Variants in PCDHAC1 observed in about 807,000 individuals in gnomAD.
PCDHAC1 encodes the protein protocadherin alpha-C1.
PCDHAC1 carries 42 observed loss-of-function variants against 60.0 expected under a neutral mutation model. That is an observed-to-expected ratio of 0.70 (90% CI 0.55 to 0.90). The LOEUF (loss-of-function observed/expected upper bound fraction) is 0.90. Ranked by LOEUF, PCDHAC1 falls within the 40% of genes least tolerant of loss-of-function variation. The probability of loss-of-function intolerance (pLI) is 0.00; values close to 1 mark genes in which losing one functional copy is unlikely to be tolerated. For synonymous variants in PCDHAC1, 468 were observed against 499.3 expected, an observed-to-expected ratio of 0.94 and a Z score of 0.84; for missense variants, 1,160 against 1,222.3, an observed-to-expected ratio of 0.95 and a Z score of 0.76.
At chr5:140,978,861 T>C (rs540878929) in intron 1 of PCDHAC1, 88 bp from the exon 2 acceptor site, 1 of 1,599,110 alleles carries the variant, frequency 6.3e-7, no homozygotes, top group African/African-American at 1.3e-5. Flanking sequence ...CCTGGAAATA[T>C]TTAAGGGAGT....
intron 1 of PCDHAC1, among the ~76,000 whole-genome samples, chr5:140,976,855 G>A (rs946538789): frequency 9.9e-5 from 15 of 152,142 alleles, no homozygotes; most frequent in Non-Finnish European, 1.5e-4. Flanking sequence ...CTTTCATAGA[G>A]TTTACTGTCT....
chr5:140,930,329 A>C (rs868965676), intron 1 of PCDHAC1: 1 of 152,198 alleles, frequency 6.6e-6, no homozygotes, highest in African/African-American at 2.4e-5. Context: ...AATGTATCTA[A>C]TGAAAGTTAA....
At chr5:140,986,355 T>G (rs1381730343) in intron 3 of PCDHAC1, among the ~76,000 whole-genome samples, 6 of 152,154 alleles carry the variant, frequency 3.9e-5, no homozygotes, top group African/African-American at 1.4e-4. Context: ...CTTCTTCAGA[T>G]GGAGGAATGC....
chr5:140,968,955 A>G, intron 1 of PCDHAC1: 2 of 1,614,220 alleles, frequency 1.2e-6, no homozygotes, highest in Non-Finnish European at 1.7e-6. Flanking sequence ...AGCATCATCA[A>G]GTGCTACCGC....
At chr5:140,931,975 T>C (rs2087911858) in intron 1 of PCDHAC1, among the ~76,000 whole-genome samples, 1 of 151,962 alleles carries the variant, frequency 6.6e-6, no homozygotes, top group Non-Finnish European at 1.5e-5. Flanking sequence ...CATATGTGTT[T>C]ATATTTTGCT....
At chr5:140,975,917 A>C (rs1287006605) in intron 1 of PCDHAC1, among the ~76,000 whole-genome samples, 1 of 152,220 alleles carries the variant, frequency 6.6e-6, no homozygotes, top group Non-Finnish European at 1.5e-5. Context: ...TATTCTACCA[A>C]AAGACTAACC....
In PCDHAC1 at chr5:141,010,301, A is replaced by G. The variant is rs1232797660; in HGVS notation, c.*364A>G. On this transcript the variant is annotated 3_prime_UTR_variant, in exon 4 of 4. Coordinates refer to ENST00000253807, the MANE Select transcript of PCDHAC1 (RefSeq NM_018898.5). ...TTGATGACACTTGCAGGGCAGGCTG[A>G]AAAGTTTTGAGATTGAGCAGCTTGG... 1 of 1,548,942 alleles carries G rather than the reference A, an allele frequency of 6.5e-7. No individual in the cohort carries two copies. Among genetic ancestry groups the G allele is most frequent in the African/African-American group, 1.4e-5 (1 of 72,848 alleles).
chr5:140,948,542 C>A (rs141026678), intron 1 of PCDHAC1, among the ~76,000 whole-genome samples: 66 of 151,648 alleles, frequency 4.4e-4, no homozygotes, highest in African/African-American at 1.5e-3. Flanking sequence ...ATTTCATGCT[C>A]TGTCAATTTT....
intron 1 of PCDHAC1, among the ~76,000 whole-genome samples, chr5:140,977,973 A>G (rs1336063493): frequency 4.6e-5 from 7 of 152,178 alleles, no homozygotes; most frequent in Admixed American, 3.9e-4. Flanking sequence ...TCCGCCCATG[A>G]AAACGCATCT....
intron 3 of PCDHAC1, among the ~76,000 whole-genome samples, chr5:140,995,133 T>C (rs1397108502): frequency 6.6e-6 from 1 of 152,230 alleles, no homozygotes; most frequent in Non-Finnish European, 1.5e-5. Flanking sequence ...TGAAACCTCA[T>C]TTAGTACTGA....
At chr5:140,956,665 G>A (rs1336658976) in intron 1 of PCDHAC1, among the ~76,000 whole-genome samples, 3 of 152,004 alleles carry the variant, frequency 2.0e-5, no homozygotes, top group African/African-American at 7.2e-5. Context: ...TGGCCTTAAA[G>A]GAGTTAGGGA....
chr5:140,992,017 C>CTGTG (rs10602499), intron 3 of PCDHAC1, among the ~76,000 whole-genome samples: 5,022 of 145,578 alleles, frequency 0.034, 175 homozygotes, highest in African/African-American at 0.093. Context: ...AGAGGTGGCT[C>CTGTG]TGTGTGTGTG....
chr5:140,954,523 G>A (rs1368260807), intron 1 of PCDHAC1, among the ~76,000 whole-genome samples: 4 of 152,186 alleles, frequency 2.6e-5, no homozygotes, highest in African/African-American at 9.6e-5. Flanking sequence ...AATGATCAGT[G>A]ATGTTGAGGT....
intron 1 of PCDHAC1, among the ~76,000 whole-genome samples, chr5:140,938,625 T>G (rs2092136082): frequency 6.6e-6 from 1 of 152,220 alleles, no homozygotes; most frequent in African/African-American, 2.4e-5. Flanking sequence ...AAACTCAGGT[T>G]GCTTATGATG....
At chr5:140,965,893 C>G (rs1173111476) in intron 1 of PCDHAC1, among the ~76,000 whole-genome samples, 1 of 152,226 alleles carries the variant, frequency 6.6e-6, no homozygotes, top group Non-Finnish European at 1.5e-5. Context: ...AGAATTGAGT[C>G]TTGGATCCCA....
chr5:140,966,698 G>C, intron 1 of PCDHAC1: 2 of 1,363,568 alleles, frequency 1.5e-6, no homozygotes, highest in Non-Finnish European at 1.9e-6. Flanking sequence ...CGGGGCCCGG[G>C]CGTGGGGCAC....
intron 1 of PCDHAC1, among the ~76,000 whole-genome samples, chr5:140,962,962 A>G (rs1273558602): frequency 1.3e-5 from 2 of 152,194 alleles, no homozygotes; most frequent in South Asian, 2.1e-4. Flanking sequence ...CTATCCCTAT[A>G]TAGGAAATTT....
chr5:140,939,171 T>C (rs2092330047), intron 1 of PCDHAC1, among the ~76,000 whole-genome samples: 1 of 152,170 alleles, frequency 6.6e-6, no homozygotes. Flanking sequence ...TGTCTGGTAA[T>C]GGCCCACTCC....
chr5:140,978,890 A>G (rs2096827624), intron 1 of PCDHAC1, 59 bp from the exon 2 acceptor site: 1 of 1,612,616 alleles, frequency 6.2e-7, no homozygotes. Context: ...AATTAGCAGC[A>G]TTCCTGGGAG....
Sources: gnomAD v4.1 joint callset for allele counts (sites outside exome capture counted in the v4.1 genomes callset) on GRCh38, gnomAD v4.1.1 for gene constraint, MANE v1.5 for transcripts, NCBI Gene and HGNC (gene_info 2026-07-23, HGNC 2026-07-21) for gene names.